SYT3: variants seen among roughly 807,000 people sequenced by gnomAD.
SYT3 encodes the protein synaptotagmin-3.
A neutral mutation model predicts 50.6 loss-of-function variants in SYT3; 25 were observed. That is an observed-to-expected ratio of 0.49 (90% CI 0.36 to 0.69). The LOEUF (loss-of-function observed/expected upper bound fraction) is 0.69, where lower values mean the gene tolerates loss of function less well. Among genes scored for constraint, SYT3 ranks in the 30% least tolerant of loss-of-function variants. The probability of loss-of-function intolerance (pLI) is 0.00; values close to 1 mark genes in which losing one functional copy is unlikely to be tolerated. For missense variants in SYT3, 589 were observed against 793.6 expected, an observed-to-expected ratio of 0.74 and a Z score of 3.10; for synonymous variants, 323 against 353.9, an observed-to-expected ratio of 0.91 and a Z score of 0.98.
At chr19:50,633,964 A>T (rs1473648814) in intron 3 of SYT3, among the ~76,000 whole-genome samples, 1 of 152,190 alleles carries the variant, frequency 6.6e-6, no homozygotes, top group African/African-American at 2.4e-5. Context: ...TTCCCAATAA[A>T]TGGTAGTTCA....
In SYT3 at chr19:50,632,031, G is replaced by C. The variant is rs1984324687; in HGVS notation, c.674+255C>G. On this transcript the variant is annotated intron_variant, in intron 4 of 10. Coordinates refer to ENST00000600079, the MANE Select transcript of SYT3 (RefSeq NM_001160329.2). This position sits in a 1 kb window ranked among gnomAD's most constrained non-coding sequence, Gnocchi z 4.7. ...TTTCCTGTCCTAAGTCCTGCCCCCA[G>C]TCTCCTCCCTCTGGACCCAGGAATT... 6.6e-6 allele frequency among the ~76,000 whole-genome samples: 1 copy of C among 151,928 alleles called. No individual in the cohort carries two copies. Among genetic ancestry groups the C allele is most frequent in the Non-Finnish European group, 1.5e-5 (1 of 67,980 alleles).
Position 50,625,775 on chromosome 19 carries a change from CAGG to C in SYT3, c.1402+119_1402+121del. 17 of 629,008 alleles carry C rather than the reference CAGG, an allele frequency of 2.7e-5. 5 individuals are homozygous for C. Among genetic ancestry groups the C allele is most frequent in the Non-Finnish European group, 3.7e-5 (14 of 376,256 alleles). The allele number at this position is 629,008 out of a possible 1,614,324, so 39.0% of individuals were successfully genotyped here. A position where few individuals can be genotyped will look rare whatever the true frequency, so the allele number is the denominator to read the frequency against. ...CCCCTGGCCCCTCCTCCCTCAGACC[CAGG>C]AGTCCAGATCCCCAGCTCCTCCTCC... is the stretch of plus-strand genomic sequence containing the variant. On this transcript the variant is annotated intron_variant, in intron 7 of 10. Transcript: ENST00000600079. The surrounding 1 kb of genome is among the most constrained non-coding windows in gnomAD (Gnocchi z 7.5).
At chr19:50,654,027 A>G in the SYT3 span, among the ~76,000 whole-genome samples, 4 of 152,184 alleles carry the variant, frequency 2.6e-5, no homozygotes, top group South Asian at 2.1e-4. Flanking sequence ...GTGTTGAGAC[A>G]TGATTCAGGG....
At chr19:50,657,170 T>C in the SYT3 span, among the ~76,000 whole-genome samples, 1 of 152,130 alleles carries the variant, frequency 6.6e-6, no homozygotes, top group South Asian at 2.1e-4. Flanking sequence ...GTGCTTACTG[T>C]GTGCCAGGCA....
intron 4 of SYT3, among the ~76,000 whole-genome samples, chr19:50,630,412 TC>T (rs1037733731): frequency 6.9e-6 from 1 of 144,666 alleles, no homozygotes; most frequent in African/African-American, 2.5e-5. Flanking sequence ...CTCCCTTCTT[TC>T]CTTCCTTCCT....
upstream of SYT3, among the ~76,000 whole-genome samples, chr19:50,643,832 CTCA>C (rs1984718626): frequency 6.6e-6 from 1 of 152,056 alleles, no homozygotes; most frequent in African/African-American, 2.4e-5. Flanking sequence ...TACTAGGATC[CTCA>C]TACTAGGATC....
chr19:50,646,740 A>G, the SYT3 span, among the ~76,000 whole-genome samples: 1 of 152,114 alleles, frequency 6.6e-6, no homozygotes, highest in South Asian at 2.1e-4. Flanking sequence ...AGGTTGGAAG[A>G]GCATTCCAGG....
chr19:50,655,732 G>A, the SYT3 span, among the ~76,000 whole-genome samples: 5 of 152,236 alleles, frequency 3.3e-5, no homozygotes, highest in Admixed American at 1.3e-4. Flanking sequence ...GTAAGCCTGG[G>A]GTGACTAGAA....
chr19:50,631,582 C>T (rs1174790124), intron 4 of SYT3, among the ~76,000 whole-genome samples: 2 of 152,156 alleles, frequency 1.3e-5, no homozygotes, highest in Non-Finnish European at 2.9e-5. Context: ...CTCCTCTTGT[C>T]TTTGCCTGGG....
At chr19:50,628,815 A>G (rs1984168402) in intron 6 of SYT3, among the ~76,000 whole-genome samples, 1 of 146,134 alleles carries the variant, frequency 6.8e-6, no homozygotes, top group Non-Finnish European at 1.5e-5. Flanking sequence ...CCACTGTATC[A>G]TTATCTGTTC....
At position 50,632,682 on chromosome 19, in the gene SYT3, C is replaced by T. The variant is rs748185607; in HGVS notation, c.278G>A (p.Gly93Asp). The change falls in exon 4 of 11, where the codon GGT becomes GAT. Residue 93 changes from glycine to aspartate, a missense_variant. Coordinates refer to ENST00000600079, the MANE Select transcript of SYT3 (RefSeq NM_001160329.2). This position sits in a 1 kb window ranked among gnomAD's most constrained non-coding sequence, Gnocchi z 4.7. ...GCCTAGGTCTTTGCGCAGGGGGCCA[C>T]CGCCCACTGCCGAGCCTCCCTTGTC... ...WRDKGGSAVG[G>D]GPLRKDLGPG... The T allele has an allele frequency of 1.9e-6, 3 of 1,590,156 alleles. No individual in the cohort carries two copies. Among genetic ancestry groups the T allele is most frequent in the Non-Finnish European group, 2.6e-6 (3 of 1,169,194 alleles).
the SYT3 span, among the ~76,000 whole-genome samples, chr19:50,650,637 C>T: frequency 6.6e-6 from 1 of 152,212 alleles, no homozygotes; most frequent in Non-Finnish European, 1.5e-5. Flanking sequence ...TGCCACTGCA[C>T]TCCAGCCTGG....
chr19:50,637,489 C>G lies in SYT3; in HGVS notation c.-15-63G>C. ...AAACAGAATGGGAGTGCAGGGTGGG[C>G]AGGTGTGGAGATAAGGGTGGAAAGA... On this transcript the variant is annotated intron_variant, in intron 2 of 10. Coordinates refer to ENST00000600079, the MANE Select transcript of SYT3 (RefSeq NM_001160329.2). The surrounding 1 kb of genome is among the most constrained non-coding windows in gnomAD (Gnocchi z 4.9). The G allele has an allele frequency of 6.9e-7, 1 of 1,458,234 alleles. No homozygotes were observed. Among genetic ancestry groups the G allele is most frequent in the Non-Finnish European group, 9.3e-7 (1 of 1,072,948 alleles). 90.3% of individuals were successfully genotyped at this position (1,458,234 alleles called of 1,614,324 possible).
chr19:50,656,680 G>A, the SYT3 span, among the ~76,000 whole-genome samples: 121 of 152,226 alleles, frequency 7.9e-4, no homozygotes, highest in African/African-American at 2.4e-3. Flanking sequence ...TGTCGGGTGC[G>A]GTGGCTCACG....
the SYT3 span, among the ~76,000 whole-genome samples, chr19:50,657,573 C>A: frequency 1.3e-5 from 2 of 152,078 alleles, no homozygotes; most frequent in Admixed American, 1.3e-4. Context: ...TCTTAAAATG[C>A]TAATACGAAT....
In SYT3 at chr19:50,622,388, G is replaced by A. The variant is rs1156297876; in HGVS notation, c.*97C>T. The A allele has an allele frequency of 1.6e-5, 4 of 246,358 alleles. No homozygotes were observed. The highest frequency in any genetic ancestry group is 2.4e-5 in the Non-Finnish European group (3 of 124,870). 15.3% of individuals were successfully genotyped at this position (246,358 alleles called of 1,614,324 possible). On this transcript the variant is annotated 3_prime_UTR_variant, in exon 11 of 11. Transcript: ENST00000600079. ...CAGGGCTGCCCCGCACCAGCAGCTC[G>A]GACGTTATGGCTTCAAGGAGATGAA...
At chr19:50,644,599 G>A (rs1335843191), upstream of SYT3, among the ~76,000 whole-genome samples, 1 of 151,910 alleles carries the variant, frequency 6.6e-6, no homozygotes, top group Non-Finnish European at 1.5e-5. Context: ...TAGACGAAGG[G>A]ATGAATGAGT....
At chr19:50,623,183 G>A (rs141014275) in intron 9 of SYT3, among the ~76,000 whole-genome samples, 1,621 of 152,078 alleles carry the variant, frequency 0.011, 14 homozygotes, top group African/African-American at 0.036. Flanking sequence ...TGCCACCAGC[G>A]TTGCCCAACA....
chr19:50,632,754 C>A lies in SYT3; in HGVS notation c.206G>T (p.Gly69Val), dbSNP rs1395942955. 1.9e-6 allele frequency: 3 copies of A among 1,544,320 alleles called. No homozygotes were observed. Among genetic ancestry groups the A allele is most frequent in the Admixed American group, 3.9e-5 (2 of 50,948 alleles). The change falls in exon 4 of 11, where the codon GGT becomes GTT. Residue 69 changes from glycine to valine, a missense_variant. Around this residue, in one of 2 missense-constraint regions of SYT3, gnomAD observed 316 missense variants for 354.3 expected, o/e 0.89. Coordinates refer to ENST00000600079, the MANE Select transcript of SYT3 (RefSeq NM_001160329.2). This position sits in a 1 kb window ranked among gnomAD's most constrained non-coding sequence, Gnocchi z 4.7. ...CTTCCAGGACACGAAGAGAGAGACA[C>A]CCAGAAGGACAATGCCACAGAATGT... ...IVTFCGIVLLGVSLFVSWKLC... is the reference protein window; with the variant it reads ...IVTFCGIVLLVVSLFVSWKLC...
Sources: gnomAD v4.1 joint callset for allele counts (sites outside exome capture counted in the v4.1 genomes callset) on GRCh38, gnomAD v4.1.1 for gene constraint, gnomAD v4.1.1 regional missense constraint, Gnocchi (gnomAD v3.1) non-coding constraint, MANE v1.5 for transcripts, NCBI Gene and HGNC (gene_info 2026-07-23, HGNC 2026-07-21) for gene names.